The following XIRP2 variants were observed in gnomAD, a reference collection of about 807,000 sequenced individuals.
XIRP2 encodes the protein xin actin binding repeat containing 2, also known as xin actin-binding repeat-containing protein 2.
Under a neutral mutation model 277.0 loss-of-function variants are expected in XIRP2, and 236 were observed. The ratio of observed to expected loss-of-function variants is 0.85; its 90% confidence interval spans 0.77 to 0.95. The LOEUF (loss-of-function observed/expected upper bound fraction) is 0.95. Ranked by LOEUF, XIRP2 falls within the 40% of genes least tolerant of loss-of-function variation. The pLI is 0.00. For missense variants in XIRP2, 4,640 were observed against 4,157.5 expected, an observed-to-expected ratio of 1.12 and a Z score of -3.19; for synonymous variants, 1,490 against 1,416.5, an observed-to-expected ratio of 1.05 and a Z score of -1.17.
intron 2 of XIRP2, among the ~76,000 whole-genome samples, chr2:167,120,254 A>C (rs938598317): frequency 6.6e-6 from 1 of 152,114 alleles, no homozygotes; most frequent in Non-Finnish European, 1.5e-5. Context: ...GGCTTCCTAG[A>C]GCTCTGCACT....
rs1027312028 is a variant in XIRP2, at chr2:167,154,126, T to C, written c.562+18064T>C. Among the ~76,000 whole-genome samples, 112 of 149,706 alleles carry C rather than the reference T, an allele frequency of 7.5e-4. 1 individual carries two copies. The highest frequency in any genetic ancestry group is 2.0e-3 in the African/African-American group (79 of 40,352). ...CTAACTGGTGTGAGATGGTATCTCA[T>C]TGTGGTTTTGATTTGCATTTCTCTG... On this transcript the variant is annotated intron_variant, in intron 3 of 10. Transcript: ENST00000409195.
rs1175144154 is a variant in XIRP2, at chr2:167,245,061, C to A, written c.3669C>A (p.Ile1223=). Residue 1223 remains isoleucine, a synonymous_variant, in exon 9 of 11, where the codon ATC becomes ATA. Transcript: ENST00000409195. The part of the protein sequence containing the change: ...SSSSEEVLKK[I]KTLKTEDIQK... ...GTTCAGAGGAAGTTTTGAAAAAGAT[C>A]AAAACCTTAAAAACTGAAGATATTC... 5.6e-6 allele frequency: 9 copies of A among 1,610,402 alleles called. No individual in the cohort carries two copies. Among genetic ancestry groups the A allele is most frequent in the Non-Finnish European group, 7.6e-6 (9 of 1,179,014 alleles).
intron 2 of XIRP2, among the ~76,000 whole-genome samples, chr2:167,096,675 TGTGGGCATTTATATA>T (rs1690327004): frequency 6.6e-6 from 1 of 152,222 alleles, no homozygotes; most frequent in African/African-American, 2.4e-5. Flanking sequence ...TACTTTCTCC[TGTGGGCATTTATATA>T]AATTTCCCTC....
chr2:167,088,510 C>T (rs1203067157), intron 2 of XIRP2, among the ~76,000 whole-genome samples: 1 of 152,138 alleles, frequency 6.6e-6, no homozygotes, highest in East Asian at 1.9e-4. Context: ...GATGATCTTT[C>T]AAAAATGCCA....
At chr2:166,983,060 T>A (rs1283536145) in intron 2 of XIRP2, among the ~76,000 whole-genome samples, 13 of 152,212 alleles carry the variant, frequency 8.5e-5, no homozygotes. Flanking sequence ...CTGTTGCTAT[T>A]GTTTCATATT....
intron 2 of XIRP2, among the ~76,000 whole-genome samples, chr2:167,070,540 A>G (rs1477714548): frequency 3.3e-5 from 5 of 152,194 alleles, no homozygotes; most frequent in Non-Finnish European, 7.4e-5. Context: ...TAAATTTAAC[A>G]TCTGAAAATA....
At chr2:167,076,669 T>C (rs1448148082) in intron 2 of XIRP2, among the ~76,000 whole-genome samples, 1 of 152,220 alleles carries the variant, frequency 6.6e-6, no homozygotes, top group African/African-American at 2.4e-5. Flanking sequence ...TCTATGTGAA[T>C]TGATTGTATG....
intron 4 of XIRP2, among the ~76,000 whole-genome samples, chr2:167,214,544 G>A (rs956780140): frequency 2.0e-4 from 31 of 151,332 alleles, no homozygotes; most frequent in African/African-American, 4.9e-4. Context: ...TTTCTAAAGC[G>A]CAGGAAAGTA....
At chr2:167,117,932 G>T (rs1690940547) in intron 2 of XIRP2, among the ~76,000 whole-genome samples, 1 of 152,084 alleles carries the variant, frequency 6.6e-6, no homozygotes, top group Non-Finnish European at 1.5e-5. Context: ...TATACCCTTT[G>T]TTCTCAGCTT....
chr2:166,985,506 C>T (rs1686979882), intron 2 of XIRP2, among the ~76,000 whole-genome samples: 1 of 151,858 alleles, frequency 6.6e-6, no homozygotes, highest in African/African-American at 2.4e-5. Context: ...TCTCCGCTCA[C>T]TGCAACCTCC....
intron 2 of XIRP2, among the ~76,000 whole-genome samples, chr2:167,031,813 C>T (rs563403805): frequency 3.3e-5 from 5 of 152,102 alleles, no homozygotes; most frequent in African/African-American, 1.2e-4. Flanking sequence ...AGGACACAAA[C>T]AAATGGAAAA....
intron 2 of XIRP2, among the ~76,000 whole-genome samples, chr2:167,030,663 G>A (rs766712749): frequency 1.3e-5 from 2 of 152,154 alleles, no homozygotes; most frequent in Admixed American, 6.6e-5. Context: ...GTGCGATGTG[G>A]TGCTGAGAAG....
At chr2:167,029,350 A>G (rs1441528202) in intron 2 of XIRP2, among the ~76,000 whole-genome samples, 1 of 152,108 alleles carries the variant, frequency 6.6e-6, no homozygotes, top group Non-Finnish European at 1.5e-5. Context: ...TTTGTCATAA[A>G]TAGCTCTTAT....
Position 167,031,282 on chromosome 2 carries a change from T to C in XIRP2, c.409-104627T>C, listed in dbSNP as rs148046997. Among the ~76,000 whole-genome samples, 146 of 152,258 alleles carry C rather than the reference T, an allele frequency of 9.6e-4. 2 individuals carry two copies. In the East Asian group the frequency reaches 0.028, roughly 29 times the overall value. ...CCCATTAGTTGATGCAGTTTCTTCA[T>C]AGTGTTGATGGTCTTTACAATATGG... On this transcript the variant is annotated intron_variant, in intron 2 of 10. Transcript: ENST00000409195.
chr2:166,898,079 TC>T (rs1422367003), intron 1 of XIRP2, among the ~76,000 whole-genome samples: 1 of 152,088 alleles, frequency 6.6e-6, no homozygotes, highest in Non-Finnish European at 1.5e-5. Flanking sequence ...GGCTATAAGA[TC>T]ATTCTATGGC....
intron 2 of XIRP2, among the ~76,000 whole-genome samples, chr2:166,938,442 G>A (rs1574095744): frequency 6.6e-6 from 1 of 152,174 alleles, no homozygotes; most frequent in African/African-American, 2.4e-5. Flanking sequence ...TAGTTTGATT[G>A]CACTGTGGTC....
intron 2 of XIRP2, among the ~76,000 whole-genome samples, chr2:167,060,535 A>T (rs932995557): frequency 2.6e-5 from 4 of 152,182 alleles, no homozygotes; most frequent in African/African-American, 9.6e-5. Context: ...TATAGTGTGA[A>T]ATAATAACTG....
intron 1 of XIRP2, 125 bp from the exon 2 acceptor site, chr2:166,903,340 T>G (rs1458375910): frequency 1.1e-6 from 1 of 889,018 alleles, no homozygotes; most frequent in Non-Finnish European, 1.7e-6. Flanking sequence ...TGGAATTGTA[T>G]AGGAAAGCTG....
At chr2:167,063,733 A>T (rs118042250) in intron 2 of XIRP2, among the ~76,000 whole-genome samples, 2,475 of 151,862 alleles carry the variant, frequency 0.016, 29 homozygotes, top group African/African-American at 0.026. Context: ...TCATATTAAT[A>T]TAGGTATTTT....
Sources: allele counts gnomAD v4.1 joint callset (sites outside exome capture counted in the v4.1 genomes callset), GRCh38; gene constraint gnomAD v4.1.1; transcripts MANE v1.5; gene names NCBI Gene and HGNC (gene_info 2026-07-23, HGNC 2026-07-21).